Variants in MFSD2B observed in about 807,000 individuals in gnomAD.
MFSD2B encodes sphingosine-1-phosphate transporter MFSD2B.
In MFSD2B, 56 loss-of-function variants were observed where a neutral mutation model predicts 58.4. The ratio of observed to expected loss-of-function variants is 0.96; its 90% CI spans 0.77 to 1.20. The LOEUF is 1.20. Ranked by LOEUF, MFSD2B falls within the 50% of genes most tolerant of loss-of-function variation. The pLI is 0.00. For synonymous variants in MFSD2B, 287 were observed against 294.4 expected, an observed-to-expected ratio of 0.97 and a Z score of 0.26; for missense variants, 645 against 667.6, an observed-to-expected ratio of 0.97 and a Z score of 0.37.
Position 24,023,604 on chromosome 2 carries a change from G to A in MFSD2B, c.1191G>A (p.Val397=), listed in dbSNP as rs143825089. The A allele has an allele frequency of 1.2e-6, 2 of 1,613,930 alleles. No individual in the cohort carries two copies. The highest frequency in any genetic ancestry group is 1.7e-6 in the Non-Finnish European group (2 of 1,179,828). The change falls in exon 12 of 14, where the codon GTG becomes GTA. Residue 397 remains valine, a synonymous_variant. Transcript: ENST00000338315. The surrounding 1 kb of genome is among the most constrained non-coding windows in gnomAD (Gnocchi z 5.0). ...GCAGGTCCATGCTGCCAGACGTGGT[G>A]GATGACTTTCAGCTGCAGCACCGTC... The part of the protein sequence containing the change: ...LLPWSMLPDV[V]DDFQLQHRHG...
chr2:24,011,041 G>A lies in MFSD2B; in HGVS notation c.96+849G>A, dbSNP rs1009004137. Among the ~76,000 whole-genome samples, 6 of 152,168 alleles carry A rather than the reference G, an allele frequency of 3.9e-5. No homozygotes were observed. The South Asian group carries it at 1.2e-3, about 31-fold the overall frequency. ...CGCATTGCTGATGAAGTTCCGGCGT[G>A]GAATCCTCTTACGACTCTCCGAGGG... On this transcript the variant is annotated intron_variant, in intron 1 of 13. Coordinates refer to ENST00000338315, the MANE Select transcript of MFSD2B (RefSeq NM_001346880.2).
chr2:24,023,323 C>T lies in MFSD2B; in HGVS notation c.1169+84C>T. On this transcript the variant is annotated intron_variant, in intron 11 of 13. Coordinates refer to ENST00000338315, the MANE Select transcript of MFSD2B (RefSeq NM_001346880.2). The surrounding 1 kb of genome is among the most constrained non-coding windows in gnomAD (Gnocchi z 5.0). ...AACCTGCCGTCCCAGGCCCCCTGCA[C>T]CCAGCCTGTGCAGGAGATGGAGGCC... 1 of 1,206,028 alleles carries T rather than the reference C, an allele frequency of 8.3e-7. No individual in the cohort carries two copies. Among genetic ancestry groups the T allele is most frequent in the Non-Finnish European group, 1.2e-6 (1 of 824,082 alleles). 74.7% of individuals were successfully genotyped at this position (1,206,028 alleles called of 1,614,324 possible). A position where few individuals can be genotyped will look rare whatever the true frequency, so the allele number is the denominator to read the frequency against.
rs759539823 is a variant in MFSD2B at position 24,017,557 on chromosome 2, C to G, written c.650C>G (p.Thr217Ser). The G allele has an allele frequency of 1.9e-6, 3 of 1,564,270 alleles. No individual in the cohort carries two copies. In the Admixed American group the frequency reaches 5.7e-5, roughly 30 times the overall value. Residue 217 changes from threonine (T) to serine (S), a missense_variant, in exon 6 of 14, where the codon ACC becomes AGC. Physicochemically the swap from Thr to Ser is moderately conservative, Grantham distance 58. Coordinates refer to ENST00000338315, the MANE Select transcript of MFSD2B (RefSeq NM_001346880.2). This position sits in a 1 kb window ranked among gnomAD's most constrained non-coding sequence, Gnocchi z 4.8. ...HRPHRCEATATPGPVTVSPNA... is the reference protein window; with the variant it reads ...HRPHRCEATASPGPVTVSPNA... ...CCCCACAGGTGCGAGGCCACTGCGA[C>G]CCCGGGGCCAGTCACTGTCTCCCCG...
At position 24,017,426 on chromosome 2, in the gene MFSD2B, C is replaced by T; in HGVS notation, c.551-32C>T. On this transcript the variant is annotated intron_variant, in intron 5 of 13. Coordinates refer to ENST00000338315, the MANE Select transcript of MFSD2B (RefSeq NM_001346880.2). The surrounding 1 kb of genome is among the most constrained non-coding windows in gnomAD (Gnocchi z 4.8). ...AACTGCCCCTGGGACCCCACTCCCTCTCAGTCACCTTAAGTGGCACTCTGT... is the reference window on the plus strand; with the variant it reads ...AACTGCCCCTGGGACCCCACTCCCTTTCAGTCACCTTAAGTGGCACTCTGT... 1 of 1,597,424 alleles carries T rather than the reference C, an allele frequency of 6.3e-7. No individual in the cohort carries two copies. Among genetic ancestry groups the T allele is most frequent in the Non-Finnish European group, 8.5e-7 (1 of 1,172,132 alleles).
chr2:24,016,056 T>A (rs1709132860), intron 2 of MFSD2B, 100 bp from the exon 3 acceptor site: 2 of 1,454,956 alleles, frequency 1.4e-6, no homozygotes, highest in Non-Finnish European at 1.9e-6. Context: ...TGCCCTCCGG[T>A]CCCGGTTCCC....
In MFSD2B at chr2:24,024,261, A is replaced by G. The variant is rs1325080040; in HGVS notation, c.1480A>G (p.Ser494Gly). The change falls in exon 13 of 14, where the codon AGC becomes GGC. Residue 494 changes from serine (S) to glycine (G), a missense_variant. Coordinates refer to ENST00000338315, the MANE Select transcript of MFSD2B (RefSeq NM_001346880.2). The surrounding 1 kb of genome is among the most constrained non-coding windows in gnomAD (Gnocchi z 4.3). Reference protein sequence around the residue: ...TPSRDASSRLSLRRRTSYSLA With the variant: ...TPSRDASSRLGLRRRTSYSLA Reference sequence around the variant, plus strand: ...CAGTCGGGACGCCTCCAGCCGGCTGAGCCTTCGGAGGTAAGCCCCGCACGC... The same window carrying G: ...CAGTCGGGACGCCTCCAGCCGGCTGGGCCTTCGGAGGTAAGCCCCGCACGC... The G allele has an allele frequency of 2.5e-6, 4 of 1,604,432 alleles. No individual in the cohort carries two copies. The highest frequency in any genetic ancestry group is 3.4e-6 in the Non-Finnish European group (4 of 1,176,102).
chr2:24,025,726 T>G lies in MFSD2B; in HGVS notation c.*270T>G, dbSNP rs1192880630. On this transcript the variant is annotated 3_prime_UTR_variant, in exon 14 of 14. Transcript: ENST00000338315. ...CTTGTCTCTAGAAAAAGGAAGCTCC[T>G]GCCCAACCTGGCTTGTGGACCAGTA... 5.7e-5 allele frequency: 25 copies of G among 440,432 alleles called. No homozygotes were observed. Among genetic ancestry groups the G allele is most frequent in the Non-Finnish European group, 9.8e-5 (24 of 245,300 alleles). The allele number at this position is 440,432 out of a possible 1,614,324, so 27.3% of individuals were successfully genotyped here. A position where few individuals can be genotyped will look rare whatever the true frequency, so the allele number is the denominator to read the frequency against.
In MFSD2B at chr2:24,023,531, G is replaced by A; in HGVS notation, c.1170-52G>A. 1.3e-6 allele frequency: 2 copies of A among 1,572,764 alleles called. No individual in the cohort carries two copies. The highest frequency in any genetic ancestry group is 1.3e-5 in the African/African-American group (1 of 74,190). ...GGCCTCCGTCCCCAGAGAATTCACA[G>A]GCTGCTGGTGGCCAAGGGGCTAGGA... On this transcript the variant is annotated intron_variant, in intron 11 of 13. Transcript: ENST00000338315. This position sits in a 1 kb window ranked among gnomAD's most constrained non-coding sequence, Gnocchi z 5.0.
At chr2:24,025,402 C>G in intron 13 of MFSD2B, 30 bp from the exon 14 acceptor site, 2 of 1,535,620 alleles carry the variant, frequency 1.3e-6, no homozygotes, top group Non-Finnish European at 1.7e-6. Context: ...CACTTCCATC[C>G]TTCTCCTTGG....
At chr2:24,016,060 G>A (rs571994292) in intron 2 of MFSD2B, 96 bp from the exon 3 acceptor site, 13 of 1,497,734 alleles carry the variant, frequency 8.7e-6, no homozygotes, top group Admixed American at 3.3e-5. Flanking sequence ...CTCCGGTCCC[G>A]GTTCCCAGGC....
At position 24,016,874 on chromosome 2, in the gene MFSD2B, T is replaced by C. The variant is rs773308009; in HGVS notation, c.377T>C (p.Leu126Pro). Residue 126 changes from leucine to proline, a missense_variant, in exon 4 of 14, where the codon CTG (leucine) becomes CCG (proline). By Grantham distance (98) the Leu-to-Pro change is moderately conservative (BLOSUM62 -3). Transcript: ENST00000338315. ...CTGGGCTGCACCCCCTTCATCGCCC[T>C]GGCCTACTTCTTCCTGTGGTTCCTG... ...WVLGCTPFIA[L>P]AYFFLWFLPP... The C allele has an allele frequency of 1.9e-6, 3 of 1,613,706 alleles. No homozygotes were observed. In the African/African-American group the frequency reaches 4.0e-5, roughly 22 times the overall value.
In MFSD2B at chr2:24,022,951, G is replaced by A. The variant is rs905677955; in HGVS notation, c.1059+49G>A. The stretch of plus-strand genomic sequence containing the variant: ...TTGGGGGTGGCCGGAGGGGAGAGGT[G>A]AGCGAGGTGACCTTGGTGCCTGAGC... On this transcript the variant is annotated intron_variant, in intron 10 of 13. Transcript: ENST00000338315. This position sits in a 1 kb window ranked among gnomAD's most constrained non-coding sequence, Gnocchi z 4.5. 6.5e-7 allele frequency: 1 copy of A among 1,544,428 alleles called. No homozygotes were observed. Among genetic ancestry groups the A allele is most frequent in the Non-Finnish European group, 8.8e-7 (1 of 1,131,532 alleles).
intron 1 of MFSD2B, 23 bp from the exon 2 acceptor site, chr2:24,013,262 C>T: frequency 1.3e-6 from 2 of 1,579,778 alleles, no homozygotes; most frequent in Non-Finnish European, 1.7e-6. Flanking sequence ...GGGAGAAGGG[C>T]TTAGTTCCTG....
chr2:24,022,903 G>C lies in MFSD2B; in HGVS notation c.1059+1G>C. ...GAAGACGTCAGCCTTTGGGATCTTT[G>C]TGAGTGAGGCGGGAATCAAGGATTG... On this transcript the variant is annotated splice_donor_variant, in intron 10 of 13. Coordinates refer to ENST00000338315, the MANE Select transcript of MFSD2B (RefSeq NM_001346880.2). LOFTEE classifies it high-confidence loss of function. The surrounding 1 kb of genome is among the most constrained non-coding windows in gnomAD (Gnocchi z 4.5). 1.2e-6 allele frequency: 2 copies of C among 1,609,112 alleles called. No homozygotes were observed. The highest frequency in any genetic ancestry group is 1.7e-6 in the Non-Finnish European group (2 of 1,177,986).
At position 24,022,484 on chromosome 2, in the gene MFSD2B, G is replaced by A. The variant is rs1383148467; in HGVS notation, c.946G>A (p.Asp316Asn). 9 of 1,613,174 alleles carry A rather than the reference G, an allele frequency of 5.6e-6. No individual in the cohort carries two copies. Among genetic ancestry groups the A allele is most frequent in the African/African-American group, 4.0e-5 (3 of 74,886 alleles). Residue 316 changes from aspartate to asparagine, a missense_variant, in exon 9 of 14, where the codon GAC becomes AAC. Physicochemically the swap from Asp to Asn is conservative, Grantham distance 23 (BLOSUM62 1). Transcript: ENST00000338315. The surrounding 1 kb of genome is among the most constrained non-coding windows in gnomAD (Gnocchi z 4.5). ...CTGTACACATGCCTCCCAGCTACAC[G>A]ACCACGTCCAGGGCCTGGTACTAAC... The part of the protein sequence containing the change: ...LFCTHASQLH[D>N]HVQGLVLTVL...
In MFSD2B at chr2:24,021,452, G is replaced by T. The variant is rs774698259; in HGVS notation, c.682-196G>T. Among the ~76,000 whole-genome samples, 16 of 152,198 alleles carry T rather than the reference G, an allele frequency of 1.1e-4. No homozygotes were observed. The highest frequency in any genetic ancestry group is 2.1e-4 in the Non-Finnish European group (14 of 68,024). On this transcript the variant is annotated intron_variant, in intron 6 of 13. Transcript: ENST00000338315. The surrounding 1 kb of genome is among the most constrained non-coding windows in gnomAD (Gnocchi z 5.7). The stretch of plus-strand genomic sequence containing the variant: ...CAGGGAACACAGGGTCAGCAGAGGG[G>T]GTGTGTGGAAGGACCAGCCCGGGCC...
rs751786064 is a variant in MFSD2B at position 24,013,330 on chromosome 2, G to T, written c.142G>T (p.Gly48Cys). 6.2e-7 allele frequency: 1 copy of T among 1,612,284 alleles called. No individual in the cohort carries two copies. Among genetic ancestry groups the T allele is most frequent in the South Asian group, 1.1e-5 (1 of 90,664 alleles). Residue 48 changes from glycine (G) to cysteine (C), a missense_variant, in exon 2 of 14, where the codon GGC becomes TGC. Physicochemically the swap from Gly to Cys is radical, Grantham distance 159 (BLOSUM62 -3). Coordinates refer to ENST00000338315, the MANE Select transcript of MFSD2B (RefSeq NM_001346880.2). The part of the protein sequence containing the change: ...RLSFCTKVCY[G>C]IGGVPNQIAS... ...CTCATTCTGTACAAAGGTGTGCTAT[G>T]GCATTGGTGGGGTCCCCAACCAGAT...
chr2:24,019,422 C>T (rs187090663), intron 6 of MFSD2B, among the ~76,000 whole-genome samples: 1 of 152,112 alleles, frequency 6.6e-6, no homozygotes, highest in African/African-American at 2.4e-5. Flanking sequence ...GGCCCACCAC[C>T]CATTCAAGAA....
At position 24,017,561 on chromosome 2, in the gene MFSD2B, G is replaced by C; in HGVS notation, c.654G>C (p.Pro218=). Residue 218 remains proline (P), a synonymous_variant, in exon 6 of 14, where the codon CCG becomes CCC. Transcript: ENST00000338315. This position sits in a 1 kb window ranked among gnomAD's most constrained non-coding sequence, Gnocchi z 4.8. ...ACAGGTGCGAGGCCACTGCGACCCC[G>C]GGGCCAGTCACTGTCTCCCCGAATG... ...RPHRCEATAT[P]GPVTVSPNAA... is the part of the protein sequence containing the mutation. 1 of 1,562,584 alleles carries C rather than the reference G, an allele frequency of 6.4e-7. No homozygotes were observed. Among genetic ancestry groups the C allele is most frequent in the Non-Finnish European group, 8.7e-7 (1 of 1,153,710 alleles).
Sources: gnomAD v4.1 joint callset for allele counts (sites outside exome capture counted in the v4.1 genomes callset) on GRCh38, gnomAD v4.1.1 for gene constraint, Gnocchi (gnomAD v3.1) non-coding constraint, MANE v1.5 for transcripts, NCBI Gene and HGNC (gene_info 2026-07-23, HGNC 2026-07-21) for gene names.